Variants in FOCAD observed in about 807,000 individuals in gnomAD.
The protein encoded by FOCAD is focadhesin, also known as KIAA1797.
In FOCAD, 198 loss-of-function variants were observed where a neutral mutation model predicts 225.6. The ratio of observed to expected loss-of-function variants is 0.88; its 90% CI spans 0.78 to 0.99. The LOEUF (loss-of-function observed/expected upper bound fraction) is 0.99, where lower values mean the gene tolerates loss of function less well. Ranked by LOEUF, FOCAD falls within the 50% of genes least tolerant of loss-of-function variation. FOCAD has a pLI of 0.00. For synonymous variants in FOCAD, 897 were observed against 755.0 expected (o/e 1.19, Z -3.08); for missense variants, 2,713 against 2,123.6 (o/e 1.28, Z -5.46).
Position 20,990,149 on chromosome 9 carries a change from T to G in FOCAD, c.5031T>G (p.Phe1677Leu). ...DKALDFFLLI[F>L]ATAVVAWADH... ...CTTTGGACTTCTTCTTGCTGATATT[T>G]GCAACCGCAGTGGTTGCATGGGCTG... The change falls in exon 42 of 44, where the codon TTT becomes TTG. Residue 1677 changes from phenylalanine (F) to leucine (L), a missense_variant. Physicochemically the swap from Phe to Leu is conservative, Grantham distance 22. Transcript: ENST00000338382. The G allele has an allele frequency of 2.5e-6, 4 of 1,614,236 alleles. No homozygotes were observed. Among genetic ancestry groups the G allele is most frequent in the Non-Finnish European group, 3.4e-6 (4 of 1,180,024 alleles).
chr9:20,858,845 G>GA (rs59083583), intron 15 of FOCAD, among the ~76,000 whole-genome samples: 510 of 151,860 alleles, frequency 3.4e-3, no homozygotes, highest in African/African-American at 0.012. Flanking sequence ...TTCATTGACT[G>GA]GTCTTTCAGG....
intron 24 of FOCAD, among the ~76,000 whole-genome samples, chr9:20,923,032 A>C (rs762499607): frequency 6.6e-6 from 1 of 152,222 alleles, no homozygotes; most frequent in Non-Finnish European, 1.5e-5. Context: ...TTTCAGTCCA[A>C]ATAGTCTAAA....
At chr9:20,966,225 T>C (rs992166863) in intron 35 of FOCAD, among the ~76,000 whole-genome samples, 1 of 152,150 alleles carries the variant, frequency 6.6e-6, no homozygotes, top group African/African-American at 2.4e-5. Flanking sequence ...CATTGCCAAC[T>C]AATTGGCTGT....
upstream of FOCAD, among the ~76,000 whole-genome samples, chr9:20,656,506 G>T (rs1247214522): frequency 6.6e-6 from 1 of 152,072 alleles, no homozygotes; most frequent in African/African-American, 2.4e-5. Flanking sequence ...TCTTCTTGTT[G>T]AATTGATCCC....
intron 11 of FOCAD, among the ~76,000 whole-genome samples, chr9:20,808,529 A>G (rs192249215): frequency 2.6e-5 from 4 of 152,314 alleles, no homozygotes; most frequent in Non-Finnish European, 4.4e-5. Flanking sequence ...ATTATCCTTA[A>G]AGATTATATT....
intron 9 of FOCAD, 31 bp from the exon 10 acceptor site, chr9:20,781,696 T>A (rs117743551): frequency 0.019 from 30,790 of 1,602,074 alleles, 374 homozygotes; most frequent in Middle Eastern, 0.045. Context: ...TATTAATTTT[T>A]AAAAATGTGC....
At chr9:20,820,800 C>G (rs1171860825) in intron 13 of FOCAD, 141 bp from the exon 14 acceptor site, 10 of 909,350 alleles carry the variant, frequency 1.1e-5, no homozygotes, top group East Asian at 4.9e-5. Context: ...CTATAGCAAT[C>G]TTCTCTGCTG....
At chr9:20,891,737 C>A (rs376348278) in intron 21 of FOCAD, among the ~76,000 whole-genome samples, 2 of 152,182 alleles carry the variant, frequency 1.3e-5, no homozygotes. Flanking sequence ...CAAGTTGAAG[C>A]AGCAAGTGCT....
At chr9:20,918,932 C>T (rs530112581) in intron 24 of FOCAD, among the ~76,000 whole-genome samples, 1 of 152,144 alleles carries the variant, frequency 6.6e-6, no homozygotes, top group Admixed American at 6.5e-5. Flanking sequence ...CACCACTGCC[C>T]GCTGCCAGCT....
upstream of FOCAD, among the ~76,000 whole-genome samples, chr9:20,681,352 T>A (rs972108116): frequency 7.2e-5 from 11 of 152,172 alleles, no homozygotes; most frequent in Admixed American, 7.2e-4. Flanking sequence ...CCACTTGGCC[T>A]CCCAAAGTGC....
intron 7 of FOCAD, among the ~76,000 whole-genome samples, chr9:20,767,674 T>C (rs1307883046): frequency 7.0e-6 from 1 of 142,692 alleles, no homozygotes; most frequent in South Asian, 2.3e-4. Flanking sequence ...ATGGGGTTGT[T>C]TGTTTTTTTC....
At chr9:20,839,315 GT>G in intron 15 of FOCAD, among the ~76,000 whole-genome samples, 1 of 148,130 alleles carries the variant, frequency 6.8e-6, no homozygotes, top group African/African-American at 2.5e-5. Flanking sequence ...CTGGAGTGCA[GT>G]GGCACAATCT....
At chr9:20,834,698 AG>A (rs776748170) in intron 15 of FOCAD, among the ~76,000 whole-genome samples, 34 of 151,990 alleles carry the variant, frequency 2.2e-4, no homozygotes, top group Non-Finnish European at 2.1e-4. Context: ...GAGTAGTGGT[AG>A]TCTTGGGGTG....
chr9:20,739,563 A>G (rs1827434297), intron 4 of FOCAD, among the ~76,000 whole-genome samples: 1 of 151,970 alleles, frequency 6.6e-6, no homozygotes, highest in African/African-American at 2.4e-5. Context: ...AGATCGTGCC[A>G]TTGAACTACA....
intron 24 of FOCAD, 135 bp downstream of exon 24, chr9:20,917,072 T>A: frequency 1.5e-6 from 1 of 666,058 alleles, no homozygotes. Context: ...TTTTAAAAAA[T>A]TAATCGTTAC....
intron 15 of FOCAD, among the ~76,000 whole-genome samples, chr9:20,858,889 T>C (rs1375967555): frequency 6.6e-6 from 1 of 152,202 alleles, no homozygotes; most frequent in Non-Finnish European, 1.5e-5. Flanking sequence ...GTTTGTATAG[T>C]TTCCAAAATT....
intron 5 of FOCAD, among the ~76,000 whole-genome samples, chr9:20,757,741 C>A (rs1428217514): frequency 1.3e-5 from 2 of 152,006 alleles, no homozygotes; most frequent in Admixed American, 6.6e-5. Context: ...TGGCTTGTAA[C>A]CTCTAGGAAT....
intron 42 of FOCAD, 31 bp downstream of exon 42, chr9:20,990,405 C>T (rs1350330953): frequency 1.9e-6 from 3 of 1,608,324 alleles, no homozygotes; most frequent in Non-Finnish European, 2.5e-6. Context: ...CTTAGCAGGG[C>T]AGGCAGCCAT....
intron 3 of FOCAD, 57 bp from the exon 4 acceptor site, chr9:20,720,323 G>A: frequency 6.5e-7 from 1 of 1,548,618 alleles, no homozygotes; most frequent in South Asian, 1.2e-5. Context: ...CCAAAGGTGT[G>A]TGTGTGTGTG....
Sources: allele counts gnomAD v4.1 joint callset (sites outside exome capture counted in the v4.1 genomes callset), GRCh38; gene constraint gnomAD v4.1.1; transcripts MANE v1.5; gene names NCBI Gene and HGNC (gene_info 2026-07-23, HGNC 2026-07-21).